Variants in CFAP58 observed in about 807,000 individuals in gnomAD.
CFAP58 encodes the protein cilia- and flagella-associated protein 58.
CFAP58 carries 88 observed loss-of-function variants against 119.5 expected under a neutral mutation model. The ratio of observed to expected loss-of-function variants is 0.74; its 90% CI spans 0.62 to 0.88. The LOEUF is 0.88. Among genes scored for constraint, CFAP58 ranks in the 40% least tolerant of loss-of-function variants. The pLI is 0.00. For missense variants in CFAP58, 990 were observed against 1,021.2 expected (o/e 0.97, Z 0.42); for synonymous variants, 365 against 366.3 (o/e 1.00, Z 0.04).
chr10:104,398,276 A>G (rs1302215304), intron 11 of CFAP58, among the ~76,000 whole-genome samples: 1 of 152,220 alleles, frequency 6.6e-6, no homozygotes, highest in Non-Finnish European at 1.5e-5. Context: ...CTTATCTTCT[A>G]TATTTAATTT....
chr10:104,442,514 C>T (rs11192059), intron 15 of CFAP58, among the ~76,000 whole-genome samples: 12,323 of 148,372 alleles, frequency 0.083, 699 homozygotes, highest in Non-Finnish European at 0.12. Context: ...CTTGAACCCG[C>T]GAGGTGGAGG....
intron 15 of CFAP58, among the ~76,000 whole-genome samples, chr10:104,436,143 A>G (rs775131755): frequency 5.3e-5 from 8 of 152,194 alleles, no homozygotes; most frequent in Non-Finnish European, 1.0e-4. Flanking sequence ...GAAGTGGAAC[A>G]CTTAAACACT....
intron 6 of CFAP58, among the ~76,000 whole-genome samples, chr10:104,369,362 C>T (rs1173934331): frequency 6.6e-6 from 1 of 152,180 alleles, no homozygotes; most frequent in African/African-American, 2.4e-5. Context: ...GCATGCATCC[C>T]AGAAATAGGA....
chr10:104,442,495 G>A (rs1182312634), intron 15 of CFAP58, among the ~76,000 whole-genome samples: 1 of 151,864 alleles, frequency 6.6e-6, no homozygotes, highest in African/African-American at 2.4e-5. Context: ...GGCTGAGGCA[G>A]GATAATCTCT....
rs746134881 is a variant in CFAP58, at chr10:104,358,592, T to C, written c.261T>C (p.Asp87=). ...KVATALKLSQ[D]DQTTIASLKK... The stretch of plus-strand genomic sequence containing the variant: ...CCACTGCCCTTAAGCTCTCTCAGGA[T>C]GATCAGACCACCATTGCATCCCTAA... Residue 87 remains aspartate (D), a synonymous_variant, in exon 2 of 18, where the codon GAT becomes GAC. Transcript: ENST00000369704. 1.2e-5 allele frequency: 19 copies of C among 1,613,442 alleles called. No homozygotes were observed. In the African/African-American group the frequency reaches 1.7e-4, roughly 15 times the overall value.
At chr10:104,351,297 A>G (rs1382302843), upstream of CFAP58, among the ~76,000 whole-genome samples, 1 of 152,218 alleles carries the variant, frequency 6.6e-6, no homozygotes, top group African/African-American at 2.4e-5. Context: ...ATGTCACTGC[A>G]CAGTTGCCAG....
chr10:104,349,344 G>A (rs2014433806), upstream of CFAP58, among the ~76,000 whole-genome samples: 1 of 147,074 alleles, frequency 6.8e-6, no homozygotes, highest in Non-Finnish European at 1.5e-5. Context: ...AGATCAAAGT[G>A]TCAGCAGGTT....
At chr10:104,403,593 T>C (rs2012305511) in intron 13 of CFAP58, 136 bp from the exon 14 acceptor site, 2 of 433,960 alleles carry the variant, frequency 4.6e-6, no homozygotes, top group East Asian at 6.9e-5. Flanking sequence ...ATTAGGAGGC[T>C]GGTCCCTGTG....
chr10:104,381,913 T>C (rs1462360853), intron 9 of CFAP58, among the ~76,000 whole-genome samples: 11 of 152,210 alleles, frequency 7.2e-5, no homozygotes, highest in Admixed American at 7.2e-4. Flanking sequence ...GAAGCTCCAG[T>C]GATTGATTTA....
At chr10:104,388,903 C>G (rs1435869697) in intron 9 of CFAP58, among the ~76,000 whole-genome samples, 1 of 152,168 alleles carries the variant, frequency 6.6e-6, no homozygotes, top group Non-Finnish European at 1.5e-5. Context: ...TCCCCTGAAG[C>G]CTAGGAGTGC....
Position 104,403,791 on chromosome 10 carries a change from A to G in CFAP58, c.2102A>G (p.Glu701Gly). 1.9e-6 allele frequency: 3 copies of G among 1,612,732 alleles called. No homozygotes were observed. Among genetic ancestry groups the G allele is most frequent in the Non-Finnish European group, 2.5e-6 (3 of 1,179,394 alleles). Residue 701 changes from glutamate (E) to glycine (G), a missense_variant, in exon 14 of 18, where the codon GAG becomes GGG. Coordinates refer to ENST00000369704, the MANE Select transcript of CFAP58 (RefSeq NM_001008723.2). ...LKERTRCRAL[E>G]EELENPLNVH... ...GAGAGGACACGCTGCCGAGCCCTGG[A>G]GGAGGAGCTGGAGAATCCCCTGAAT...
Position 104,358,390 on chromosome 10 carries a change from A to G in CFAP58, c.59A>G (p.Glu20Gly). Residue 20 changes from glutamate (E) to glycine (G), a missense_variant, in exon 2 of 18, where the codon GAA becomes GGA. Coordinates refer to ENST00000369704, the MANE Select transcript of CFAP58 (RefSeq NM_001008723.2). ...GAAGAATCTGCATTTGAAGAAATGG[A>G]AAGAGATTTTCAGGGAGTTCTCCAT... ...VLEESAFEEM[E>G]RDFQGVLHEL... 6.2e-7 allele frequency: 1 copy of G among 1,614,020 alleles called. No homozygotes were observed. Among genetic ancestry groups the G allele is most frequent in the Non-Finnish European group, 8.5e-7 (1 of 1,179,970 alleles).
intron 15 of CFAP58, among the ~76,000 whole-genome samples, chr10:104,438,390 A>G: frequency 9.0e-6 from 1 of 111,226 alleles, no homozygotes; most frequent in Admixed American, 1.3e-4. Context: ...TTTTTTTGAG[A>G]CGGAGTCTCG....
At chr10:104,355,460 CTTTCTTCTACT>C (rs1244096999) in intron 1 of CFAP58, among the ~76,000 whole-genome samples, 1 of 152,154 alleles carries the variant, frequency 6.6e-6, no homozygotes, top group Non-Finnish European at 1.5e-5. Flanking sequence ...TCGTTTCTTC[CTTTCTTCTACT>C]TTTCTTCTTA....
At chr10:104,349,796 T>C (rs1212835463), upstream of CFAP58, among the ~76,000 whole-genome samples, 1 of 152,122 alleles carries the variant, frequency 6.6e-6, no homozygotes, top group Non-Finnish European at 1.5e-5. Flanking sequence ...GAAGTGAGAC[T>C]GAAAGTAATG....
At chr10:104,410,367 A>G (rs188542422) in intron 15 of CFAP58, among the ~76,000 whole-genome samples, 3 of 152,190 alleles carry the variant, frequency 2.0e-5, no homozygotes, top group Non-Finnish European at 1.5e-5. Flanking sequence ...CATATCTCCA[A>G]TTCCTTACTT....
chr10:104,356,329 C>T (rs1390180660), intron 1 of CFAP58, among the ~76,000 whole-genome samples: 3 of 152,250 alleles, frequency 2.0e-5, no homozygotes, highest in South Asian at 2.1e-4. Context: ...TTGGGCAAGA[C>T]GGGCTTGTCA....
At chr10:104,385,263 G>A (rs568616694) in intron 9 of CFAP58, among the ~76,000 whole-genome samples, 13 of 152,124 alleles carry the variant, frequency 8.5e-5, no homozygotes, top group African/African-American at 3.1e-4. Flanking sequence ...GAGGGTTTGG[G>A]GGCTTCCCAG....
chr10:104,411,558 G>A (rs2012460926), intron 15 of CFAP58, among the ~76,000 whole-genome samples: 1 of 151,962 alleles, frequency 6.6e-6, no homozygotes, highest in African/African-American at 2.4e-5. Flanking sequence ...CCTTTATTTG[G>A]GGACTTGGGA....
Sources: gnomAD v4.1 joint callset for allele counts (sites outside exome capture counted in the v4.1 genomes callset) on GRCh38, gnomAD v4.1.1 for gene constraint, MANE v1.5 for transcripts, NCBI Gene and HGNC (gene_info 2026-07-23, HGNC 2026-07-21) for gene names.